The following TMEM150A variants were observed in gnomAD, a reference collection of about 807,000 sequenced individuals.
The protein encoded by TMEM150A is transmembrane protein 150A.
In TMEM150A, 18 loss-of-function variants were observed where a neutral mutation model predicts 29.8. The observed-to-expected ratio is 0.60, with a 90% CI of 0.42 to 0.90. The LOEUF (loss-of-function observed/expected upper bound fraction) is 0.90, where lower values mean the gene tolerates loss of function less well. TMEM150A is among the 40% of genes least tolerant of loss of function. The pLI is 0.00. For missense variants in TMEM150A, 251 were observed against 349.7 expected (o/e 0.72, Z 2.25); for synonymous variants, 127 against 143.6 (o/e 0.88, Z 0.83).
At position 85,599,618 on chromosome 2, in the gene TMEM150A, G is replaced by A. The variant is rs1672813856; in HGVS notation, c.481C>T (p.Leu161Phe). 1 of 1,613,840 alleles carries A rather than the reference G, an allele frequency of 6.2e-7. No homozygotes were observed. Residue 161 changes from leucine (L) to phenylalanine (F), a missense_variant, in exon 7 of 8, where the codon CTC (leucine) becomes TTC (phenylalanine). Leu to Phe is a conservative substitution (Grantham distance 22). Transcript: ENST00000334462. The surrounding 1 kb of genome is among the most constrained non-coding windows in gnomAD (Gnocchi z 6.0). ...GLLFVCLHCA[L>F]SYQGATAPLD... ...GGGGCGGTGGCCCCTTGGTAGGAGA[G>A]AGCACAGTGCAGGCAAACAAAGAGC...
chr2:85,601,703 G>A lies in TMEM150A; in HGVS notation c.65+181C>T, dbSNP rs1285774416. On this transcript the variant is annotated intron_variant, in intron 2 of 7. Transcript: ENST00000334462. This position sits in a 1 kb window ranked among gnomAD's most constrained non-coding sequence, Gnocchi z 4.0. ...GCCCTGGCTAGAAGTATATTTGTCA[G>A]GGCCACCCTGCTGGACAGCAGTGGT... is the stretch of plus-strand genomic sequence containing the variant. The A allele has an allele frequency of 1.1e-6, 1 of 882,614 alleles. No homozygotes were observed. The highest frequency in any genetic ancestry group is 1.8e-6 in the Non-Finnish European group (1 of 553,458). 54.7% of individuals were successfully genotyped at this position (882,614 alleles called of 1,614,324 possible).
In TMEM150A at chr2:85,598,923, C is replaced by T; in HGVS notation, c.*153G>A. 2.6e-6 allele frequency: 3 copies of T among 1,138,614 alleles called. 1 individual carries two copies. The South Asian group carries it at 4.8e-5, about 18-fold the overall frequency. 70.5% of individuals were successfully genotyped at this position (1,138,614 alleles called of 1,614,324 possible). A position where few individuals can be genotyped will look rare whatever the true frequency, so the allele number is the denominator to read the frequency against. On this transcript the variant is annotated 3_prime_UTR_variant, in exon 8 of 8. Coordinates refer to ENST00000334462, the MANE Select transcript of TMEM150A (RefSeq NM_001031738.3). ...GCTGGCAGGGCCCACTCCTCCATGG[C>T]ACAGGTGGGCATGGGATGGCCACTT...
rs1422823313 is a variant in TMEM150A at position 85,602,138 on chromosome 2, A to G, written c.-116-74T>C. 1 of 562,736 alleles carries G rather than the reference A, an allele frequency of 1.8e-6. No homozygotes were observed. The highest frequency in any genetic ancestry group is 3.2e-6 in the Non-Finnish European group (1 of 307,892). The allele number at this position is 562,736 out of a possible 1,614,324, so 34.9% of individuals were successfully genotyped here. A position where few individuals can be genotyped will look rare whatever the true frequency, so the allele number is the denominator to read the frequency against. On this transcript the variant is annotated intron_variant, in intron 1 of 7. Transcript: ENST00000334462. This position sits in a 1 kb window ranked among gnomAD's most constrained non-coding sequence, Gnocchi z 5.6. ...GGGAGGGGAAGGGGGTCAACACCTT[A>G]TCCAGCGCTCCCGTTGGGTCTCTGA...
In TMEM150A at chr2:85,601,981, G is replaced by C. The variant is rs566810690; in HGVS notation, c.-33C>G. 19 of 1,611,690 alleles carry C rather than the reference G, an allele frequency of 1.2e-5. No individual in the cohort carries two copies. Among genetic ancestry groups the C allele is most frequent in the East Asian group, 6.7e-5 (3 of 44,884 alleles). Reference sequence around the variant, plus strand: ...GGGAGCCAGGGTGGTGGTGGTGTTGGGGGGAGGACAAGAGGTAGATGGGGA... The same window carrying C: ...GGGAGCCAGGGTGGTGGTGGTGTTGCGGGGAGGACAAGAGGTAGATGGGGA... On this transcript the variant is annotated 5_prime_UTR_variant, in exon 2 of 8. Transcript: ENST00000334462. This position sits in a 1 kb window ranked among gnomAD's most constrained non-coding sequence, Gnocchi z 4.0.
chr2:85,600,851 A>T, intron 4 of TMEM150A, 170 bp downstream of exon 4: 1 of 611,340 alleles, frequency 1.6e-6, no homozygotes, highest in South Asian at 2.0e-5. Context: ...GAGACAATGC[A>T]TATAAAGCAC....
At chr2:85,600,519 G>T (rs1432196570) in intron 4 of TMEM150A, 107 bp from the exon 5 acceptor site, 5 of 775,562 alleles carry the variant, frequency 6.4e-6, no homozygotes, top group Non-Finnish European at 1.1e-5. Context: ...CTCCTTAGCA[G>T]GCAGGCCACT....
Position 85,601,567 on chromosome 2 carries a change from TG to T in TMEM150A, c.66-86del, listed in dbSNP as rs1672961649. 1.3e-6 allele frequency: 2 copies of T among 1,497,844 alleles called. No individual in the cohort carries two copies. The highest frequency in any genetic ancestry group is 1.8e-6 in the Non-Finnish European group (2 of 1,096,368). 92.8% of individuals were successfully genotyped at this position (1,497,844 alleles called of 1,614,324 possible). A position where few individuals can be genotyped will look rare whatever the true frequency, so the allele number is the denominator to read the frequency against. On this transcript the variant is annotated intron_variant, in intron 2 of 7. Coordinates refer to ENST00000334462, the MANE Select transcript of TMEM150A (RefSeq NM_001031738.3). The surrounding 1 kb of genome is among the most constrained non-coding windows in gnomAD (Gnocchi z 4.0). ...GACCCTTCTCTTCAACCTTGATTTC[TG>T]GCCCCATTCAGCCTCATTATTGTTG...
rs1672805193 is a variant in TMEM150A, at chr2:85,599,456, C to T, written c.574+69G>A. On this transcript the variant is annotated intron_variant, in intron 7 of 7. Coordinates refer to ENST00000334462, the MANE Select transcript of TMEM150A (RefSeq NM_001031738.3). This position sits in a 1 kb window ranked among gnomAD's most constrained non-coding sequence, Gnocchi z 6.0. ...ATGGCAGTGTTAGGCCTCCACCCCCCATCCTCTTGGGAGGGAGAAAGGTTG... is the reference window on the plus strand; with the variant it reads ...ATGGCAGTGTTAGGCCTCCACCCCCTATCCTCTTGGGAGGGAGAAAGGTTG... 1.9e-6 allele frequency: 3 copies of T among 1,568,048 alleles called. No homozygotes were observed. Among genetic ancestry groups the T allele is most frequent in the Admixed American group, 3.7e-5 (2 of 54,520 alleles).
rs1018856948 is a variant in TMEM150A, at chr2:85,599,388, G to T, written c.575-71C>A. 1.1e-5 allele frequency: 18 copies of T among 1,593,860 alleles called. 1 individual carries two copies. The highest frequency in any genetic ancestry group is 1.4e-5 in the Non-Finnish European group (16 of 1,168,266). ...GGCAACACCCCTTCTGCAGTCTCAG[G>T]CCTCACCTCTCCAAAGGGAGAGGTG... On this transcript the variant is annotated intron_variant, in intron 7 of 7. Coordinates refer to ENST00000334462, the MANE Select transcript of TMEM150A (RefSeq NM_001031738.3). This position sits in a 1 kb window ranked among gnomAD's most constrained non-coding sequence, Gnocchi z 6.0.
rs562922932 is a variant in TMEM150A, at chr2:85,601,214, G to A, written c.114-107C>T. The stretch of plus-strand genomic sequence containing the variant: ...CTCTCTCCCAGACCTCCCCTACAGG[G>A]ACAGAAGATCCCACTCCCCAGTGCC... On this transcript the variant is annotated intron_variant, in intron 3 of 7. Transcript: ENST00000334462. The surrounding 1 kb of genome is among the most constrained non-coding windows in gnomAD (Gnocchi z 4.0). 2 of 1,291,250 alleles carry A rather than the reference G, an allele frequency of 1.5e-6. No homozygotes were observed. The highest frequency in any genetic ancestry group is 1.5e-5 in the African/African-American group (1 of 68,160). 80.0% of individuals were successfully genotyped at this position (1,291,250 alleles called of 1,614,324 possible). A position where few individuals can be genotyped will look rare whatever the true frequency, so the allele number is the denominator to read the frequency against.
chr2:85,601,263 G>A lies in TMEM150A; in HGVS notation c.114-156C>T, dbSNP rs958097932. ...CCCGCCTGAAGCAGTAACCAAAGGG[G>A]CAAAGGGATAGTGGGAAGTGGGTAG... On this transcript the variant is annotated intron_variant, in intron 3 of 7. Coordinates refer to ENST00000334462, the MANE Select transcript of TMEM150A (RefSeq NM_001031738.3). This position sits in a 1 kb window ranked among gnomAD's most constrained non-coding sequence, Gnocchi z 4.0. 13 of 1,159,780 alleles carry A rather than the reference G, an allele frequency of 1.1e-5. No homozygotes were observed. The Admixed American group carries it at 2.2e-4, about 19-fold the overall frequency. 71.8% of individuals were successfully genotyped at this position (1,159,780 alleles called of 1,614,324 possible).
In TMEM150A at chr2:85,599,005, G is replaced by A. The variant is rs1417892270; in HGVS notation, c.*71C>T. 8 of 1,567,248 alleles carry A rather than the reference G, an allele frequency of 5.1e-6. 1 individual carries two copies. In the South Asian group the frequency reaches 6.9e-5, roughly 13 times the overall value. ...GAATACTTTCTCAAAATTGTTTTTG[G>A]TACGAAATAAATGGAAAGAAGATAT... On this transcript the variant is annotated 3_prime_UTR_variant, in exon 8 of 8. Coordinates refer to ENST00000334462, the MANE Select transcript of TMEM150A (RefSeq NM_001031738.3). This position sits in a 1 kb window ranked among gnomAD's most constrained non-coding sequence, Gnocchi z 6.0.
rs1364847637 is a variant in TMEM150A at position 85,598,726 on chromosome 2, A to G, written c.*350T>C. The G allele has an allele frequency of 7.0e-6, 2 of 284,066 alleles. No homozygotes were observed. The highest frequency in any genetic ancestry group is 4.6e-5 in the Admixed American group (1 of 21,958). The allele number at this position is 284,066 out of a possible 1,614,324, so 17.6% of individuals were successfully genotyped here. ...CCCACTCCACCTCCACCAGACTTCT[A>G]TCCCCTCTGCTGTTCCCAGCCCCCA... On this transcript the variant is annotated 3_prime_UTR_variant, in exon 8 of 8. Coordinates refer to ENST00000334462, the MANE Select transcript of TMEM150A (RefSeq NM_001031738.3).
chr2:85,601,756 C>T lies in TMEM150A; in HGVS notation c.65+128G>A, dbSNP rs1385006148. 1.7e-6 allele frequency: 2 copies of T among 1,148,404 alleles called. No individual in the cohort carries two copies. Among genetic ancestry groups the T allele is most frequent in the Non-Finnish European group, 2.6e-6 (2 of 781,806 alleles). The allele number at this position is 1,148,404 out of a possible 1,614,324, so 71.1% of individuals were successfully genotyped here. A position where few individuals can be genotyped will look rare whatever the true frequency, so the allele number is the denominator to read the frequency against. On this transcript the variant is annotated intron_variant, in intron 2 of 7. Coordinates refer to ENST00000334462, the MANE Select transcript of TMEM150A (RefSeq NM_001031738.3). The surrounding 1 kb of genome is among the most constrained non-coding windows in gnomAD (Gnocchi z 4.0). Reference sequence around the variant, plus strand: ...CAGCTTGTCCCAAGGGGCTGTGTGCCCAGGCACCAAGTCAGGCTTTTGAGA... The same window carrying T: ...CAGCTTGTCCCAAGGGGCTGTGTGCTCAGGCACCAAGTCAGGCTTTTGAGA...
At position 85,598,742 on chromosome 2, in the gene TMEM150A, C is replaced by T. The variant is rs1672758719; in HGVS notation, c.*334G>A. 3.1e-6 allele frequency: 1 copy of T among 318,258 alleles called. No individual in the cohort carries two copies. The highest frequency in any genetic ancestry group is 3.2e-5 in the South Asian group (1 of 31,176). The allele number at this position is 318,258 out of a possible 1,614,324, so 19.7% of individuals were successfully genotyped here. On this transcript the variant is annotated 3_prime_UTR_variant, in exon 8 of 8. Coordinates refer to ENST00000334462, the MANE Select transcript of TMEM150A (RefSeq NM_001031738.3). ...CAGACTTCTATCCCCTCTGCTGTTC[C>T]CAGCCCCCAATTCCTGCAGCAGGAA...
In TMEM150A at chr2:85,600,346, C is replaced by T; in HGVS notation, c.267G>A (p.Met89Ile). 5 of 1,613,948 alleles carry T rather than the reference C, an allele frequency of 3.1e-6. No individual in the cohort carries two copies. Among genetic ancestry groups the T allele is most frequent in the Non-Finnish European group, 4.2e-6 (5 of 1,179,974 alleles). ...GTCAGGGCTAAGGGTACAACTCACC[C>T]ATGAAAGCACCCATGTTGCCAATGA... Reference protein sequence around the residue: ...FSLIGNMGAFMVALICLLRYG... With the variant: ...FSLIGNMGAFIVALICLLRYG... The change falls in exon 5 of 8, where the codon ATG (methionine) becomes ATA (isoleucine). Residue 89 changes from methionine (M) to isoleucine (I), a missense_variant and splice_region_variant. Met to Ile is a conservative substitution (Grantham distance 10). Transcript: ENST00000334462.
chr2:85,598,803 G>A lies in TMEM150A; in HGVS notation c.*273C>T, dbSNP rs1672760889. ...TCTGGCTTTGGCACTGGGAGTAGAAGGCACCTGAAGGGCTGGCTGGGTGAG... is the reference window on the plus strand; with the variant it reads ...TCTGGCTTTGGCACTGGGAGTAGAAAGCACCTGAAGGGCTGGCTGGGTGAG... On this transcript the variant is annotated 3_prime_UTR_variant, in exon 8 of 8. Transcript: ENST00000334462. The A allele has an allele frequency of 2.3e-6, 1 of 429,922 alleles. No homozygotes were observed. Among genetic ancestry groups the A allele is most frequent in the African/African-American group, 2.0e-5 (1 of 49,958 alleles). 26.6% of individuals were successfully genotyped at this position (429,922 alleles called of 1,614,324 possible).
intron 4 of TMEM150A, chr2:85,600,703 G>T: frequency 1.8e-6 from 1 of 551,328 alleles, no homozygotes; most frequent in Admixed American, 3.2e-5. Context: ...AACACGGGCT[G>T]GGCAATCTGA....
chr2:85,601,246 A>G lies in TMEM150A; in HGVS notation c.114-139T>C. The G allele has an allele frequency of 3.4e-6, 4 of 1,176,634 alleles. No homozygotes were observed. In the South Asian group the frequency reaches 3.8e-5, roughly 11 times the overall value. 72.9% of individuals were successfully genotyped at this position (1,176,634 alleles called of 1,614,324 possible). A position where few individuals can be genotyped will look rare whatever the true frequency, so the allele number is the denominator to read the frequency against. On this transcript the variant is annotated intron_variant, in intron 3 of 7. Coordinates refer to ENST00000334462, the MANE Select transcript of TMEM150A (RefSeq NM_001031738.3). This position sits in a 1 kb window ranked among gnomAD's most constrained non-coding sequence, Gnocchi z 4.0. Reference sequence around the variant, plus strand: ...GATCCCACTCCCCAGTGCCCGCCTGAAGCAGTAACCAAAGGGGCAAAGGGA... The same window carrying G: ...GATCCCACTCCCCAGTGCCCGCCTGGAGCAGTAACCAAAGGGGCAAAGGGA...
Sources: gnomAD v4.1 joint callset for allele counts on GRCh38, gnomAD v4.1.1 for gene constraint, Gnocchi (gnomAD v3.1) non-coding constraint, MANE v1.5 for transcripts, NCBI Gene and HGNC (gene_info 2026-07-23, HGNC 2026-07-21) for gene names.